Variants in NUTM2B observed in about 807,000 individuals in gnomAD.
NUTM2B encodes the protein family with sequence similarity 22, member B.
NUTM2B carries 2 observed loss-of-function variants against 42.4 expected under a neutral mutation model. The observed-to-expected ratio is 0.05, with a 90% CI of 0.02 to 0.15. NUTM2B has a LOEUF of 0.15. Among genes scored for constraint, NUTM2B ranks in the 10% least tolerant of loss-of-function variants. The pLI is 1.00. For missense variants in NUTM2B, 58 were observed against 952.6 expected, an observed-to-expected ratio of 0.06 and a Z score of 12.36; for synonymous variants, 18 against 402.4, an observed-to-expected ratio of 0.04 and a Z score of 11.43.
the NUTM2B span, among the ~76,000 whole-genome samples, chr10:79,694,008 G>A: frequency 6.6e-6 from 1 of 152,182 alleles, no homozygotes; most frequent in Non-Finnish European, 1.5e-5. Flanking sequence ...GTGGCTGTGG[G>A]GTCAGCAGGT....
At chr10:79,709,762 G>A (rs1458689816) in intron 3 of NUTM2B, 38 bp from the exon 4 acceptor site, 1 of 615,748 alleles carries the variant, frequency 1.6e-6, no homozygotes, top group South Asian at 2.7e-5. Context: ...AGGGGGCCTG[G>A]ACCCTCTCAG....
chr10:79,694,717 G>A, the NUTM2B span, among the ~76,000 whole-genome samples: 5,337 of 152,242 alleles, frequency 0.035, 306 homozygotes, highest in African/African-American at 0.12. Context: ...GAATACATCA[G>A]GGGAAACCGA....
chr10:79,699,018 T>G (rs574457450), upstream of NUTM2B, among the ~76,000 whole-genome samples: 2 of 152,146 alleles, frequency 1.3e-5, no homozygotes, highest in African/African-American at 2.4e-5. Flanking sequence ...ACCTCATAAC[T>G]GCACACGTTC....
chr10:79,696,249 T>C, the NUTM2B span, among the ~76,000 whole-genome samples: 2 of 151,266 alleles, frequency 1.3e-5, no homozygotes, highest in Non-Finnish European at 2.9e-5. Context: ...GGTGTAAGTA[T>C]CTCAGCATGA....
At chr10:79,693,074 G>A in the NUTM2B span, among the ~76,000 whole-genome samples, 1 of 152,122 alleles carries the variant, frequency 6.6e-6, no homozygotes, top group South Asian at 2.1e-4. Flanking sequence ...GTCAAAGCCT[G>A]CCTCCCACTC....
chr10:79,696,283 C>T, the NUTM2B span, among the ~76,000 whole-genome samples: 274 of 151,948 alleles, frequency 1.8e-3, 2 homozygotes, highest in African/African-American at 5.9e-3. Flanking sequence ...ACCAACCTAA[C>T]GCCACTGAAC....
the NUTM2B span, among the ~76,000 whole-genome samples, chr10:79,694,184 G>T: frequency 6.6e-6 from 1 of 152,150 alleles, no homozygotes; most frequent in Non-Finnish European, 1.5e-5. Flanking sequence ...GATCACCTGA[G>T]GTTAGGAGTT....
the NUTM2B span, among the ~76,000 whole-genome samples, chr10:79,696,933 C>A: frequency 3.0e-5 from 4 of 135,490 alleles, no homozygotes; most frequent in African/African-American, 1.1e-4. Context: ...CCACTCTGAT[C>A]GGCTGTCAGA....
upstream of NUTM2B, among the ~76,000 whole-genome samples, chr10:79,700,749 C>T (rs534958385): frequency 3.9e-5 from 6 of 152,370 alleles, no homozygotes; most frequent in South Asian, 6.2e-4. Context: ...CCGCAACCGG[C>T]GCTGGGAGCG....
At chr10:79,694,982 C>G in the NUTM2B span, among the ~76,000 whole-genome samples, 1 of 152,160 alleles carries the variant, frequency 6.6e-6, no homozygotes. Flanking sequence ...GAGGCTCATC[C>G]CCACCCACAA....
upstream of NUTM2B, among the ~76,000 whole-genome samples, chr10:79,700,492 G>A (rs376959651): frequency 6.7e-6 from 1 of 148,492 alleles, no homozygotes; most frequent in Non-Finnish European, 1.5e-5. Context: ...TGGGCGTCCC[G>A]CAGGGCCCCC....
chr10:79,696,475 A>C, the NUTM2B span, among the ~76,000 whole-genome samples: 2 of 151,050 alleles, frequency 1.3e-5, no homozygotes, highest in Non-Finnish European at 2.9e-5. Context: ...CCAGAACACA[A>C]CCTCCTCATA....
the NUTM2B span, among the ~76,000 whole-genome samples, chr10:79,693,157 C>T: frequency 6.6e-6 from 1 of 152,324 alleles, no homozygotes; most frequent in Non-Finnish European, 1.5e-5. Flanking sequence ...CTTCCCTGGT[C>T]AGCCCATTCT....
At chr10:79,694,556 C>A in the NUTM2B span, among the ~76,000 whole-genome samples, 1 of 152,102 alleles carries the variant, frequency 6.6e-6, no homozygotes, top group Non-Finnish European at 1.5e-5. Context: ...GCCTCCCTGT[C>A]TCTCCAGAAC....
upstream of NUTM2B, among the ~76,000 whole-genome samples, chr10:79,699,173 C>T (rs919332952): frequency 4.0e-4 from 61 of 151,918 alleles, no homozygotes; most frequent in Non-Finnish European, 5.6e-4. Context: ...TTCCCAAATA[C>T]GTAAACCAAA....
upstream of NUTM2B, among the ~76,000 whole-genome samples, chr10:79,702,203 A>T (rs1341716926): frequency 6.6e-6 from 1 of 152,028 alleles, no homozygotes; most frequent in Admixed American, 6.5e-5. Context: ...GCTAAGATGG[A>T]GGTAGAGTTG....
At chr10:79,701,391 A>G (rs528248661), upstream of NUTM2B, among the ~76,000 whole-genome samples, 7 of 152,154 alleles carry the variant, frequency 4.6e-5, no homozygotes, top group Admixed American at 4.6e-4. Flanking sequence ...AACACAGTGC[A>G]GAATTCCAGT....
At chr10:79,695,984 A>T in the NUTM2B span, among the ~76,000 whole-genome samples, 3 of 147,736 alleles carry the variant, frequency 2.0e-5, no homozygotes, top group Non-Finnish European at 4.5e-5. Context: ...CCTATTTAGG[A>T]GTAACACAGT....
At chr10:79,707,081 G>T (rs2132249744) in intron 2 of NUTM2B, among the ~76,000 whole-genome samples, 1 of 126,252 alleles carries the variant, frequency 7.9e-6, no homozygotes, top group South Asian at 3.2e-4. Flanking sequence ...ACACACCCCA[G>T]TGCCTCCCCT....
Sources: allele counts gnomAD v4.1 joint callset (sites outside exome capture counted in the v4.1 genomes callset), GRCh38; gene constraint gnomAD v4.1.1; transcripts MANE v1.5; gene names NCBI Gene and HGNC (gene_info 2026-07-23, HGNC 2026-07-21).